The following FRMD3 variants were observed in gnomAD, a reference collection of about 807,000 sequenced individuals.
FRMD3 encodes the protein FERM domain containing 3, also known as FERM domain-containing protein 3.
A neutral mutation model predicts 70.2 loss-of-function variants in FRMD3; 33 were observed. The ratio of observed to expected loss-of-function variants is 0.47; its 90% CI spans 0.36 to 0.63. FRMD3 has a LOEUF of 0.63. FRMD3 is among the 20% of genes least tolerant of loss of function. The probability of loss-of-function intolerance (pLI) is 0.00; values close to 1 mark genes in which losing one functional copy is unlikely to be tolerated. For missense variants in FRMD3, 632 were observed against 711.4 expected (o/e 0.89, Z 1.27); for synonymous variants, 279 against 255.9 (o/e 1.09, Z -0.86).
intron 6 of FRMD3, chr9:83,332,059 G>C: frequency 1.6e-6 from 1 of 615,084 alleles, no homozygotes; most frequent in Non-Finnish European, 2.9e-6. Flanking sequence ...CCCCCAGCTG[G>C]CCTCTGGTGG....
chr9:83,550,538 T>C, the FRMD3 span, among the ~76,000 whole-genome samples: 5 of 152,144 alleles, frequency 3.3e-5, no homozygotes, highest in African/African-American at 1.2e-4. Flanking sequence ...CTTTGGGCAG[T>C]ATAGCCATTT....
chr9:83,569,774 G>A, the FRMD3 span, among the ~76,000 whole-genome samples: 1 of 152,184 alleles, frequency 6.6e-6, no homozygotes, highest in African/African-American at 2.4e-5. Flanking sequence ...TTTTGATTTC[G>A]CCACTTAATT....
intron 1 of FRMD3, among the ~76,000 whole-genome samples, chr9:83,505,673 G>A (rs78683018): frequency 0.052 from 7,871 of 152,234 alleles, 267 homozygotes; most frequent in South Asian, 0.1. Context: ...TGACCTGCTC[G>A]TGGTGCTGCC....
intron 1 of FRMD3, among the ~76,000 whole-genome samples, chr9:83,472,261 G>A (rs571041012): frequency 2.6e-4 from 39 of 152,316 alleles, no homozygotes; most frequent in African/African-American, 8.7e-4. Flanking sequence ...ATAAGCTGAT[G>A]TGTGCTATGA....
At chr9:83,357,283 A>ATG (rs1824427138) in intron 3 of FRMD3, among the ~76,000 whole-genome samples, 2 of 69,376 alleles carry the variant, frequency 2.9e-5, no homozygotes, top group Non-Finnish European at 5.4e-5. Flanking sequence ...ATATATATAT[A>ATG]TATATATATA....
At position 83,498,178 on chromosome 9, in the gene FRMD3, A is replaced by G. The variant is rs566741047; in HGVS notation, c.147+39907T>C. On this transcript the variant is annotated intron_variant, in intron 1 of 13. Transcript: ENST00000304195. ...GAGCAAGACTCCGTCTCCAAAAAAAAAAAAATTTGTTGTCACAGCATAACC... is the reference window on the plus strand; with the variant it reads ...GAGCAAGACTCCGTCTCCAAAAAAAGAAAAATTTGTTGTCACAGCATAACC... Among the ~76,000 whole-genome samples, 1,314 of 152,266 alleles carry G rather than the reference A, an allele frequency of 8.6e-3. 28 individuals carry two copies. Among genetic ancestry groups the G allele is most frequent in the African/African-American group, 0.03 (1,264 of 41,544 alleles).
chr9:83,549,529 C>T, the FRMD3 span, among the ~76,000 whole-genome samples: 1 of 152,046 alleles, frequency 6.6e-6, no homozygotes, highest in African/African-American at 2.4e-5. Flanking sequence ...CACTATACTG[C>T]TTCTCACAAT....
chr9:83,484,603 A>G (rs2131484378), intron 1 of FRMD3, among the ~76,000 whole-genome samples: 2 of 152,316 alleles, frequency 1.3e-5, no homozygotes, highest in Middle Eastern at 6.8e-3. Flanking sequence ...TTTTTAGTAG[A>G]GACAGGGTGT....
chr9:83,555,952 C>T, the FRMD3 span, among the ~76,000 whole-genome samples: 4 of 152,196 alleles, frequency 2.6e-5, no homozygotes, highest in Non-Finnish European at 5.9e-5. Context: ...GATCCCCTGG[C>T]TCCATGTTGC....
At chr9:83,407,837 GTCTCTCTCTCTCTCTC>G (rs761983764) in intron 1 of FRMD3, among the ~76,000 whole-genome samples, 1 of 103,600 alleles carries the variant, frequency 9.7e-6, no homozygotes, top group Non-Finnish European at 1.9e-5. Context: ...GGGTTGTTGA[GTCTCTCTCTCTCTCTC>G]TCTCTCTCTC....
Position 83,373,053 on chromosome 9 carries a change from G to A in FRMD3, c.253-98C>T, listed in dbSNP as rs80136594. On this transcript the variant is annotated intron_variant, in intron 2 of 13. Transcript: ENST00000304195. ...AAAAGGAATTCCAAAGTACAGCCTC[G>A]GTTTCCATAGATACTCTCCAGAATT... 3,087 of 963,016 alleles carry A rather than the reference G, an allele frequency of 3.2e-3. 60 individuals are homozygous for A. In the African/African-American group the frequency reaches 0.045, roughly 14 times the overall value. 59.7% of individuals were successfully genotyped at this position (963,016 alleles called of 1,614,324 possible).
the FRMD3 span, among the ~76,000 whole-genome samples, chr9:83,580,715 T>C: frequency 6.6e-6 from 1 of 152,094 alleles, no homozygotes; most frequent in Non-Finnish European, 1.5e-5. Flanking sequence ...GAAGAGTGAC[T>C]ACAGTCAATA....
chr9:83,244,955 A>G lies in FRMD3; in HGVS notation c.*2963T>C, dbSNP rs1761811347. ...GCACTAAAGGCAATATTGTGTGTGT[A>G]TATGTATTTGCCATATGTGTGTGTG... On this transcript the variant is annotated 3_prime_UTR_variant, in exon 14 of 14. Transcript: ENST00000304195. 2.0e-6 allele frequency: 2 copies of G among 983,392 alleles called. No homozygotes were observed. Among genetic ancestry groups the G allele is most frequent in the African/African-American group, 1.7e-5 (1 of 57,158 alleles). 60.9% of individuals were successfully genotyped at this position (983,392 alleles called of 1,614,324 possible). A position where few individuals can be genotyped will look rare whatever the true frequency, so the allele number is the denominator to read the frequency against.
chr9:83,428,654 A>G (rs1485447816), intron 1 of FRMD3, among the ~76,000 whole-genome samples: 1 of 152,118 alleles, frequency 6.6e-6, no homozygotes, highest in Non-Finnish European at 1.5e-5. Context: ...TGTTCTTTAC[A>G]TATCTCTAAT....
intron 1 of FRMD3, among the ~76,000 whole-genome samples, chr9:83,408,002 A>G (rs10481759): frequency 0.085 from 12,876 of 151,646 alleles, 1,106 homozygotes; most frequent in African/African-American, 0.21. Context: ...GGCAGTCTCC[A>G]GGAAGCCAGA....
At chr9:83,449,388 G>A (rs1827574243) in intron 1 of FRMD3, among the ~76,000 whole-genome samples, 1 of 152,190 alleles carries the variant, frequency 6.6e-6, no homozygotes, top group Non-Finnish European at 1.5e-5. Flanking sequence ...TTAGAAGAAG[G>A]ACATCTGGTC....
intron 1 of FRMD3, among the ~76,000 whole-genome samples, chr9:83,518,336 A>G (rs1291215073): frequency 6.6e-6 from 1 of 152,206 alleles, no homozygotes; most frequent in Non-Finnish European, 1.5e-5. Flanking sequence ...GCATTCCTAT[A>G]CACCAATAAT....
chr9:83,489,903 G>A (rs939105837), intron 1 of FRMD3, among the ~76,000 whole-genome samples: 9 of 152,226 alleles, frequency 5.9e-5, no homozygotes, highest in East Asian at 3.9e-4. Flanking sequence ...GTTCAGCCTC[G>A]AAGGTCACAC....
In FRMD3 at chr9:83,363,553, C is replaced by CTTTT. The variant is rs34789292; in HGVS notation, c.295+9356_295+9359dup. Among the ~76,000 whole-genome samples the CTTTT allele has an allele frequency of 3.4e-3, 380 of 113,316 alleles. 4 individuals are homozygous for CTTTT. The highest frequency in any genetic ancestry group is 4.8e-3 in the Non-Finnish European group (270 of 56,594). The allele number at this position is 113,316 out of a possible 152,430, so 74.3% of individuals were successfully genotyped here. On this transcript the variant is annotated intron_variant, in intron 3 of 13. Coordinates refer to ENST00000304195, the MANE Select transcript of FRMD3 (RefSeq NM_174938.6). ...GATTTGCTGGACCAAGAGACATAGG[C>CTTTT]TTTTTTTTTTTTTTTTTTTTGAGAC...
Sources: gnomAD v4.1 joint callset for allele counts (sites outside exome capture counted in the v4.1 genomes callset) on GRCh38, gnomAD v4.1.1 for gene constraint, MANE v1.5 for transcripts, NCBI Gene and HGNC (gene_info 2026-07-23, HGNC 2026-07-21) for gene names.